PIK3R3: variants seen among roughly 807,000 people sequenced by gnomAD.
PIK3R3 encodes the protein phosphatidylinositol 3-kinase regulatory subunit gamma.
Under a neutral mutation model 62.9 loss-of-function variants are expected in PIK3R3, and 64 were observed. The observed-to-expected ratio is 1.02, with a 90% CI of 0.83 to 1.25. PIK3R3 has a LOEUF of 1.25. PIK3R3 is among the 50% of genes most tolerant of loss of function. The pLI is 0.00. For synonymous variants in PIK3R3, 165 were observed against 189.0 expected (o/e 0.87, Z 1.04); for missense variants, 614 against 561.6 (o/e 1.09, Z -0.94).
chr1:46,113,135 A>T (rs1439551450), intron 1 of PIK3R3, among the ~76,000 whole-genome samples: 1 of 151,932 alleles, frequency 6.6e-6, no homozygotes, highest in African/African-American at 2.4e-5. Flanking sequence ...TCTATTTTTT[A>T]CCTTACAGCC....
chr1:46,110,099 C>G (rs1386484811), intron 1 of PIK3R3, among the ~76,000 whole-genome samples: 1 of 150,298 alleles, frequency 6.7e-6, no homozygotes, highest in Non-Finnish European at 1.5e-5. Flanking sequence ...TTTTACCAAC[C>G]TGCCTCATCC....
chr1:46,123,085 GA>G lies in PIK3R3; in HGVS notation c.106+8761del, dbSNP rs1474250013. ...GACCCTGTCTCAAAAAAAGAAAAAAGAAAAAAAGATATGAAGGAAATACAAC... is the reference window on the plus strand; with the variant it reads ...GACCCTGTCTCAAAAAAAGAAAAAAGAAAAAAGATATGAAGGAAATACAAC... On this transcript the variant is annotated intron_variant, in intron 1 of 9. Coordinates refer to ENST00000262741, the MANE Select transcript of PIK3R3 (RefSeq NM_003629.4). Among the ~76,000 whole-genome samples, 7 of 151,844 alleles carry G rather than the reference GA, an allele frequency of 4.6e-5. No individual in the cohort carries two copies. The East Asian group carries it at 7.7e-4, about 17-fold the overall frequency.
chr1:46,172,927 C>T, the PIK3R3 span, among the ~76,000 whole-genome samples: 11 of 151,984 alleles, frequency 7.2e-5, no homozygotes, highest in South Asian at 1.7e-3. Context: ...TGGGAGAAGA[C>T]GGTTGCAGTG....
the PIK3R3 span, among the ~76,000 whole-genome samples, chr1:46,156,184 G>A: frequency 6.6e-6 from 1 of 152,006 alleles, no homozygotes; most frequent in African/African-American, 2.4e-5. Flanking sequence ...TTTTCTCATA[G>A]AACATAGACA....
At chr1:46,144,645 G>A in the PIK3R3 span, among the ~76,000 whole-genome samples, 1 of 151,928 alleles carries the variant, frequency 6.6e-6, no homozygotes, top group Non-Finnish European at 1.5e-5. Context: ...GCACGCACCT[G>A]TAGTCCCAGC....
intron 1 of PIK3R3, among the ~76,000 whole-genome samples, chr1:46,104,727 G>A (rs1172292115): frequency 1.3e-5 from 2 of 151,802 alleles, no homozygotes; most frequent in South Asian, 2.1e-4. Context: ...TCAGGAGTTC[G>A]AGACCAGCCT....
At chr1:46,167,195 G>C in the PIK3R3 span, among the ~76,000 whole-genome samples, 2 of 152,248 alleles carry the variant, frequency 1.3e-5, no homozygotes, top group Non-Finnish European at 2.9e-5. Context: ...CGCCGGGTGC[G>C]CCTCGCTTTA....
At chr1:46,166,990 C>T in the PIK3R3 span, among the ~76,000 whole-genome samples, 7 of 152,248 alleles carry the variant, frequency 4.6e-5, no homozygotes, top group Non-Finnish European at 8.8e-5. Flanking sequence ...GGAGGTCCTT[C>T]AAGATCTTGG....
chr1:46,105,577 A>G (rs1653124208), intron 1 of PIK3R3, among the ~76,000 whole-genome samples: 1 of 152,196 alleles, frequency 6.6e-6, no homozygotes, highest in South Asian at 2.1e-4. Flanking sequence ...GCACTTTGGA[A>G]GGCTGAGGCA....
the PIK3R3 span, among the ~76,000 whole-genome samples, chr1:46,139,931 C>G: frequency 6.6e-6 from 1 of 152,178 alleles, no homozygotes; most frequent in East Asian, 1.9e-4. Flanking sequence ...TTTCCCAGGA[C>G]CCTGCAAACA....
chr1:46,065,456 T>C (rs759587560), intron 5 of PIK3R3, among the ~76,000 whole-genome samples: 2 of 152,228 alleles, frequency 1.3e-5, no homozygotes, highest in Non-Finnish European at 2.9e-5. Flanking sequence ...TCTTCCTCAG[T>C]AAATCCCCAC....
the PIK3R3 span, among the ~76,000 whole-genome samples, chr1:46,164,257 C>A: frequency 6.6e-6 from 1 of 152,144 alleles, no homozygotes; most frequent in Non-Finnish European, 1.5e-5. Context: ...CCACCCAGGA[C>A]CCAAGCTGGA....
chr1:46,045,257 C>T (rs953234585), intron 9 of PIK3R3, among the ~76,000 whole-genome samples: 7 of 152,152 alleles, frequency 4.6e-5, no homozygotes, highest in Admixed American at 3.9e-4. Context: ...AGGAGCTGAA[C>T]CCAGTATATC....
intron 1 of PIK3R3, among the ~76,000 whole-genome samples, chr1:46,121,403 A>G (rs1274594834): frequency 6.6e-6 from 1 of 152,204 alleles, no homozygotes; most frequent in African/African-American, 2.4e-5. Context: ...AAAGCAATAT[A>G]TTTCCAGCAC....
At chr1:46,090,920 G>A (rs1353237730) in intron 1 of PIK3R3, among the ~76,000 whole-genome samples, 1 of 152,126 alleles carries the variant, frequency 6.6e-6, no homozygotes, top group Non-Finnish European at 1.5e-5. Flanking sequence ...TTGATTTATT[G>A]TGGTATTGAT....
At chr1:46,106,317 C>A (rs1425700812) in intron 1 of PIK3R3, among the ~76,000 whole-genome samples, 1 of 152,106 alleles carries the variant, frequency 6.6e-6, no homozygotes, top group East Asian at 1.9e-4. Context: ...GTTGCCCAGG[C>A]TGGTCTCAAA....
chr1:46,092,249 T>C (rs1230449638), intron 1 of PIK3R3, among the ~76,000 whole-genome samples: 1 of 152,252 alleles, frequency 6.6e-6, no homozygotes, highest in Non-Finnish European at 1.5e-5. Context: ...TGATCCAGAA[T>C]GAGACCTGGG....
chr1:46,109,508 G>A (rs1020376152), intron 1 of PIK3R3, among the ~76,000 whole-genome samples: 3 of 151,756 alleles, frequency 2.0e-5, no homozygotes, highest in African/African-American at 7.3e-5. Context: ...TTTTGAGATG[G>A]AGTCTCCGCC....
Position 46,040,561 on chromosome 1 carries a change from G to GC in PIK3R3, c.*3111dup. On this transcript the variant is annotated 3_prime_UTR_variant, in exon 10 of 10. Transcript: ENST00000262741. ...AGTTGGCAGCAGAGGGCCCAAGCAGGCCCCCTATCTGGACCCTCTGGTTTC... is the reference window on the plus strand; with the variant it reads ...AGTTGGCAGCAGAGGGCCCAAGCAGGCCCCCCTATCTGGACCCTCTGGTTTC... The GC allele has an allele frequency of 4.4e-6, 1 of 226,404 alleles. No homozygotes were observed. The highest frequency in any genetic ancestry group is 8.8e-6 in the Non-Finnish European group (1 of 113,746). The allele number at this position is 226,404 out of a possible 1,614,324, so 14.0% of individuals were successfully genotyped here.
Sources: allele counts gnomAD v4.1 joint callset (sites outside exome capture counted in the v4.1 genomes callset), GRCh38; gene constraint gnomAD v4.1.1; transcripts MANE v1.5; gene names NCBI Gene and HGNC (gene_info 2026-07-23, HGNC 2026-07-21).